Variants in TMEM44 observed in about 807,000 individuals in gnomAD.
TMEM44 encodes the protein transmembrane protein 44.
Under a neutral mutation model 47.8 loss-of-function variants are expected in TMEM44, and 43 were observed. The ratio of observed to expected loss-of-function variants is 0.90; its 90% CI spans 0.70 to 1.16. The LOEUF (loss-of-function observed/expected upper bound fraction) is 1.16. TMEM44 is among the 50% of genes most tolerant of loss of function. The probability of loss-of-function intolerance (pLI) is 0.00; values close to 1 mark genes in which losing one functional copy is unlikely to be tolerated. For missense variants in TMEM44, 568 were observed against 555.2 expected (o/e 1.02, Z -0.23); for synonymous variants, 277 against 238.8 (o/e 1.16, Z -1.48).
chr3:194,588,450 G>T lies in TMEM44; in HGVS notation c.*79C>A. The T allele has an allele frequency of 7.8e-7, 1 of 1,290,202 alleles. No individual in the cohort carries two copies. The highest frequency in any genetic ancestry group is 1.1e-6 in the Non-Finnish European group (1 of 898,066). 79.9% of individuals were successfully genotyped at this position (1,290,202 alleles called of 1,614,324 possible). A position where few individuals can be genotyped will look rare whatever the true frequency, so the allele number is the denominator to read the frequency against. On this transcript the variant is annotated 3_prime_UTR_variant, in exon 10 of 10. Coordinates refer to ENST00000347147, the MANE Select transcript of TMEM44 (RefSeq NM_001011655.3). ...AGCTTCAGTTCCTGCCGCGGTGTCA[G>T]TGCAGATTGATTCCCGCTGCGTTAC... is the stretch of plus-strand genomic sequence containing the variant.
At chr3:194,605,442 A>T (rs1347806972) in intron 8 of TMEM44, among the ~76,000 whole-genome samples, 3 of 152,262 alleles carry the variant, frequency 2.0e-5, no homozygotes, top group African/African-American at 7.2e-5. Context: ...AAGAGGTTTA[A>T]TGGACTTACA....
intron 9 of TMEM44, among the ~76,000 whole-genome samples, chr3:194,590,721 G>C (rs1280909176): frequency 1.3e-5 from 2 of 152,160 alleles, no homozygotes; most frequent in African/African-American, 4.8e-5. Flanking sequence ...CCCTGGGTAG[G>C]GGGTAGAGAC....
At chr3:194,632,351 G>A (rs566077293) in intron 1 of TMEM44, among the ~76,000 whole-genome samples, 1 of 152,214 alleles carries the variant, frequency 6.6e-6, no homozygotes, top group East Asian at 1.9e-4. Context: ...CCTCTCCCAG[G>A]GGTGCTGGTC....
At chr3:194,594,299 G>C (rs1297034759) in intron 9 of TMEM44, among the ~76,000 whole-genome samples, 2 of 151,920 alleles carry the variant, frequency 1.3e-5, no homozygotes, top group Admixed American at 1.3e-4. Flanking sequence ...GAGTAGCTGG[G>C]ATTACAGGCG....
chr3:194,624,096 A>C (rs1199184722), intron 3 of TMEM44, among the ~76,000 whole-genome samples: 2 of 152,206 alleles, frequency 1.3e-5, no homozygotes, highest in African/African-American at 4.8e-5. Flanking sequence ...TCGACCCGTG[A>C]ATCAGCGATG....
chr3:194,600,205 C>A (rs1209221219), intron 9 of TMEM44, among the ~76,000 whole-genome samples: 1 of 152,224 alleles, frequency 6.6e-6, no homozygotes, highest in Non-Finnish European at 1.5e-5. Context: ...AATCTTCCCA[C>A]CTCAGTCTCC....
chr3:194,617,759 C>T (rs760871638), intron 5 of TMEM44: 2 of 703,696 alleles, frequency 2.8e-6, no homozygotes, highest in South Asian at 3.0e-5. Flanking sequence ...TCGTAATCCC[C>T]AGTGTCGGAG....
chr3:194,600,761 AAAGAAG>A (rs553701063), intron 9 of TMEM44, among the ~76,000 whole-genome samples: 1 of 150,436 alleles, frequency 6.6e-6, no homozygotes, highest in Non-Finnish European at 1.5e-5. Flanking sequence ...AAAAGAAAAA[AAAGAAG>A]AAGAAGAAGA....
At chr3:194,594,137 A>ATCTGTCTGTCTGTCTGTCTGTCTG (rs1157567717) in intron 9 of TMEM44, among the ~76,000 whole-genome samples, 62 of 145,852 alleles carry the variant, frequency 4.3e-4, no homozygotes, top group East Asian at 8.0e-4. Flanking sequence ...CTATCTATCT[A>ATCTGTCTGTCTGTCTGTCTGTCTG]TCTATCTATC....
chr3:194,604,280 C>T lies in TMEM44; in HGVS notation c.1176+7G>A, dbSNP rs1175656445. ...ACGCACCCGCCCAGCAGGCAACAGC[C>T]GTGTACCTCCAGGTCGGAGTTGATG... On this transcript the variant is annotated splice_region_variant and intron_variant, in intron 9 of 9. Coordinates refer to ENST00000347147, the MANE Select transcript of TMEM44 (RefSeq NM_001011655.3). 6 of 1,575,736 alleles carry T rather than the reference C, an allele frequency of 3.8e-6. No homozygotes were observed. The highest frequency in any genetic ancestry group is 1.2e-5 in the South Asian group (1 of 85,656).
chr3:194,590,490 G>A (rs991588669), intron 9 of TMEM44, among the ~76,000 whole-genome samples: 1 of 152,090 alleles, frequency 6.6e-6, no homozygotes, highest in African/African-American at 2.4e-5. Context: ...CCAAATAAAA[G>A]AGCTCACCAG....
intron 7 of TMEM44, among the ~76,000 whole-genome samples, chr3:194,613,503 T>C (rs1715550271): frequency 6.6e-6 from 1 of 150,920 alleles, no homozygotes; most frequent in African/African-American, 2.4e-5. Flanking sequence ...AAAAAAAGTT[T>C]TTTTTCGAGA....
At chr3:194,628,906 G>A (rs987583322) in intron 1 of TMEM44, among the ~76,000 whole-genome samples, 6 of 152,214 alleles carry the variant, frequency 3.9e-5, no homozygotes, top group African/African-American at 1.4e-4. Flanking sequence ...GCTCACACCT[G>A]TAATCCCAGC....
At chr3:194,594,623 G>GAA (rs564946122) in intron 9 of TMEM44, among the ~76,000 whole-genome samples, 2 of 130,756 alleles carry the variant, frequency 1.5e-5, no homozygotes, top group African/African-American at 2.8e-5. Context: ...AACATAAACT[G>GAA]AAAAAAAAAA....
intron 9 of TMEM44, chr3:194,588,894 C>T (rs1264851241): frequency 4.0e-6 from 2 of 497,508 alleles, no homozygotes; most frequent in Non-Finnish European, 3.6e-6. Flanking sequence ...CCTCATTCTC[C>T]ACTCTTCTCT....
At chr3:194,606,119 A>G (rs2109174911) in intron 8 of TMEM44, among the ~76,000 whole-genome samples, 1 of 152,270 alleles carries the variant, frequency 6.6e-6, no homozygotes, top group African/African-American at 2.4e-5. Context: ...CCAAGGCCTG[A>G]CCACACCTGC....
intron 9 of TMEM44, among the ~76,000 whole-genome samples, chr3:194,590,904 C>T (rs902183553): frequency 6.6e-6 from 1 of 152,136 alleles, no homozygotes; most frequent in Non-Finnish European, 1.5e-5. Flanking sequence ...GCTCTTTAAA[C>T]TAGTACAGGC....
intron 9 of TMEM44, chr3:194,593,065 A>G (rs1163636099): frequency 4.3e-6 from 7 of 1,613,564 alleles, no homozygotes; most frequent in African/African-American, 1.3e-5. Context: ...GGGCCTCCCA[A>G]TACTTCTGCT....
At chr3:194,617,729 C>T in intron 5 of TMEM44, 1 of 704,026 alleles carries the variant, frequency 1.4e-6, no homozygotes. Context: ...ACATTTGTCC[C>T]CGCCAGATCT....
Sources: allele counts gnomAD v4.1 joint callset (sites outside exome capture counted in the v4.1 genomes callset), GRCh38; gene constraint gnomAD v4.1.1; transcripts MANE v1.5; gene names NCBI Gene and HGNC (gene_info 2026-07-23, HGNC 2026-07-21).